CAMTA1: variants seen among roughly 807,000 people sequenced by gnomAD.
CAMTA1 encodes calmodulin-binding transcription activator 1.
In CAMTA1, 27 loss-of-function variants were observed where a neutral mutation model predicts 170.9. The observed-to-expected ratio is 0.16, with a 90% CI of 0.12 to 0.22. CAMTA1 has a LOEUF of 0.22. CAMTA1 is among the 10% of genes least tolerant of loss of function. The pLI, the probability that CAMTA1 is intolerant of heterozygous loss-of-function variation, is 1.00. For synonymous variants in CAMTA1, 833 were observed against 891.5 expected (o/e 0.93, Z 1.17); for missense variants, 1,619 against 2,217.2 (o/e 0.73, Z 5.42).
chr1:7,751,370 G>A lies in CAMTA1; in HGVS notation c.4861G>A (p.Val1621Met). The part of the protein sequence containing the change: ...GKRRQARRTA[V>M]IVQQKLRSSL... ...AAGACGGCAGGCTCGCCGGACGGCT[G>A]TGATTGTACAACAGAAACTCAGGTG... Residue 1621 changes from valine to methionine, a missense_variant, in exon 20 of 23, where the codon GTG becomes ATG. Physicochemically the swap from Val to Met is conservative, Grantham distance 21. Around this residue, in one of 8 missense-constraint regions of CAMTA1, gnomAD observed 128 missense variants for 213.5 expected, o/e 0.60. Transcript: ENST00000303635. 6.2e-7 allele frequency: 1 copy of A among 1,601,984 alleles called. No individual in the cohort carries two copies.
chr1:7,312,633 C>T (rs1326938117), intron 5 of CAMTA1, among the ~76,000 whole-genome samples: 1 of 152,238 alleles, frequency 6.6e-6, no homozygotes, highest in Non-Finnish European at 1.5e-5. Context: ...GGAACCAGAA[C>T]TGCTTCCATA....
intron 3 of CAMTA1, among the ~76,000 whole-genome samples, chr1:6,848,266 A>G (rs1313745763): frequency 6.6e-6 from 1 of 152,198 alleles, no homozygotes; most frequent in African/African-American, 2.4e-5. Context: ...CTCATACCTC[A>G]GCCTCCAGCG....
At chr1:7,658,326 G>A (rs1429654550) in intron 7 of CAMTA1, among the ~76,000 whole-genome samples, 4 of 152,108 alleles carry the variant, frequency 2.6e-5, no homozygotes, top group Admixed American at 6.6e-5. Flanking sequence ...ACAGAGCTGC[G>A]TGTTCTCCCA....
intron 3 of CAMTA1, among the ~76,000 whole-genome samples, chr1:6,827,081 C>A (rs1647263490): frequency 6.6e-6 from 1 of 152,224 alleles, no homozygotes. Flanking sequence ...CCTCAGTCCA[C>A]ATACTCCCTT....
intron 11 of CAMTA1, among the ~76,000 whole-genome samples, chr1:7,723,106 T>C (rs1364845775): frequency 3.3e-5 from 5 of 151,932 alleles, no homozygotes; most frequent in African/African-American, 4.8e-5. Flanking sequence ...CAATGAACGC[T>C]CAGCACCCAG....
intron 4 of CAMTA1, among the ~76,000 whole-genome samples, chr1:7,162,091 G>C (rs1000043814): frequency 6.6e-6 from 1 of 152,192 alleles, no homozygotes; most frequent in Non-Finnish European, 1.5e-5. Flanking sequence ...CCATTGGGCA[G>C]GGGCGTTTCT....
rs142166110 is a variant in CAMTA1 at position 7,403,478 on chromosome 1, G to A, written c.439-64352G>A. ...AGAGATCTCTTTAAGTGTATGTAGC[G>A]AGATCAGAGAGCGGAAAGTACCTCC... is the stretch of plus-strand genomic sequence containing the variant. On this transcript the variant is annotated intron_variant, in intron 5 of 22. Coordinates refer to ENST00000303635, the MANE Select transcript of CAMTA1 (RefSeq NM_015215.4). 1.7e-4 allele frequency among the ~76,000 whole-genome samples: 26 copies of A among 152,314 alleles called. No individual in the cohort carries two copies. In the East Asian group the frequency reaches 4.2e-3, roughly 25 times the overall value.
chr1:7,225,148 G>A (rs1290248793), intron 4 of CAMTA1, among the ~76,000 whole-genome samples: 1 of 151,920 alleles, frequency 6.6e-6, no homozygotes, highest in South Asian at 2.1e-4. Flanking sequence ...GTGGTGGCAC[G>A]ATCGCAGCTC....
At chr1:7,625,139 G>T (rs954339007) in intron 6 of CAMTA1, among the ~76,000 whole-genome samples, 2 of 152,200 alleles carry the variant, frequency 1.3e-5, no homozygotes, top group African/African-American at 4.8e-5. Context: ...GGAAAGGTTA[G>T]CAGTGGGTGA....
intron 5 of CAMTA1, among the ~76,000 whole-genome samples, chr1:7,273,091 G>C (rs1028633706): frequency 3.3e-5 from 5 of 152,272 alleles, no homozygotes; most frequent in Admixed American, 2.6e-4. Context: ...CAAAAAAAGA[G>C]AGATAATAGT....
At chr1:7,283,183 A>C (rs1411981189) in intron 5 of CAMTA1, among the ~76,000 whole-genome samples, 3 of 152,114 alleles carry the variant, frequency 2.0e-5, no homozygotes, top group Non-Finnish European at 4.4e-5. Context: ...ACCCTTCTCC[A>C]ACCTCCACCA....
At chr1:7,225,727 C>T (rs899408122) in intron 4 of CAMTA1, among the ~76,000 whole-genome samples, 2 of 152,204 alleles carry the variant, frequency 1.3e-5, no homozygotes, top group African/African-American at 2.4e-5. Context: ...AGGTCACAGG[C>T]GCATGATCAT....
chr1:7,337,804 G>C (rs942721770), intron 5 of CAMTA1, among the ~76,000 whole-genome samples: 1 of 152,148 alleles, frequency 6.6e-6, no homozygotes, highest in East Asian at 1.9e-4. Context: ...ACCTAGAAGC[G>C]CTGCCTGAGT....
intron 5 of CAMTA1, among the ~76,000 whole-genome samples, chr1:7,254,916 G>A (rs970903447): frequency 3.3e-5 from 5 of 152,212 alleles, no homozygotes; most frequent in African/African-American, 1.2e-4. Context: ...GAGGTAAGGT[G>A]CCTAATGAAA....
chr1:6,969,762 G>T (rs12121449), intron 3 of CAMTA1, among the ~76,000 whole-genome samples: 1 of 152,066 alleles, frequency 6.6e-6, no homozygotes, highest in African/African-American at 2.4e-5. Flanking sequence ...CTCAGCAATG[G>T]GTGTAGACCA....
chr1:7,301,513 A>C (rs1674756935), intron 5 of CAMTA1, among the ~76,000 whole-genome samples: 1 of 151,916 alleles, frequency 6.6e-6, no homozygotes, highest in East Asian at 1.9e-4. Flanking sequence ...GATCCCTGTG[A>C]GCCTGTAGTG....
intron 3 of CAMTA1, among the ~76,000 whole-genome samples, chr1:6,924,393 T>C (rs1019081037): frequency 1.3e-5 from 2 of 152,210 alleles, no homozygotes; most frequent in South Asian, 4.1e-4. Context: ...GAGCGGACCT[T>C]GAGCAGCCTC....
chr1:7,385,790 C>T (rs993702541), intron 5 of CAMTA1, among the ~76,000 whole-genome samples: 9 of 152,248 alleles, frequency 5.9e-5, no homozygotes, highest in African/African-American at 1.7e-4. Context: ...CCACCCACTG[C>T]TAGCCACTCT....
chr1:7,018,276 T>A (rs1700849131), intron 3 of CAMTA1, among the ~76,000 whole-genome samples: 1 of 152,086 alleles, frequency 6.6e-6, no homozygotes, highest in African/African-American at 2.4e-5. Context: ...TTTTATGGTC[T>A]CAAATGGGTT....
Sources: gnomAD v4.1 joint callset for allele counts (sites outside exome capture counted in the v4.1 genomes callset) on GRCh38, gnomAD v4.1.1 for gene constraint, gnomAD v4.1.1 regional missense constraint, MANE v1.5 for transcripts, NCBI Gene and HGNC (gene_info 2026-07-23, HGNC 2026-07-21) for gene names.